Variants in CSMD3 observed in about 807,000 individuals in gnomAD.
CSMD3 encodes the protein CUB and sushi domain-containing protein 3.
In CSMD3, 177 loss-of-function variants were observed where a neutral mutation model predicts 435.2. The ratio of observed to expected loss-of-function variants is 0.41; its 90% confidence interval spans 0.36 to 0.46. The LOEUF (loss-of-function observed/expected upper bound fraction) is 0.46. Among genes scored for constraint, CSMD3 ranks in the 20% least tolerant of loss-of-function variants. The pLI is 0.34. For synonymous variants in CSMD3, 1,656 were observed against 1,520.5 expected, an observed-to-expected ratio of 1.09 and a Z score of -2.07; for missense variants, 4,265 against 4,504.6, an observed-to-expected ratio of 0.95 and a Z score of 1.52.
At chr8:112,674,304 G>C (rs770244211) in intron 16 of CSMD3, among the ~76,000 whole-genome samples, 5 of 152,104 alleles carry the variant, frequency 3.3e-5, no homozygotes, top group Non-Finnish European at 7.4e-5. Flanking sequence ...GGGATGAGGT[G>C]AAAGGTCATA....
At chr8:112,929,284 G>A (rs1195060009) in intron 9 of CSMD3, among the ~76,000 whole-genome samples, 6 of 148,988 alleles carry the variant, frequency 4.0e-5, no homozygotes, top group South Asian at 2.1e-4. Context: ...GCTAGATGAC[G>A]AGTTAGTGGG....
At chr8:112,720,095 G>T (rs2131963783) in intron 13 of CSMD3, among the ~76,000 whole-genome samples, 1 of 152,174 alleles carries the variant, frequency 6.6e-6, no homozygotes, top group African/African-American at 2.4e-5. Flanking sequence ...ACTGATTTTT[G>T]AATGGAAGTC....
At chr8:112,591,377 CA>C (rs1182417589) in intron 22 of CSMD3, among the ~76,000 whole-genome samples, 1 of 151,924 alleles carries the variant, frequency 6.6e-6, no homozygotes, top group Admixed American at 6.6e-5. Context: ...CAGGGATACC[CA>C]AAAACAGACA....
At chr8:112,928,997 G>C (rs2083006894) in intron 9 of CSMD3, among the ~76,000 whole-genome samples, 1 of 143,360 alleles carries the variant, frequency 7.0e-6, no homozygotes, top group Admixed American at 7.1e-5. Context: ...GTGTGAGATG[G>C]TATCTCATTG....
chr8:112,743,195 T>A (rs1260717915), intron 13 of CSMD3, among the ~76,000 whole-genome samples: 1 of 151,806 alleles, frequency 6.6e-6, no homozygotes, highest in Non-Finnish European at 1.5e-5. Flanking sequence ...GCAAACTAAA[T>A]CTTAAGAGAC....
chr8:112,611,866 T>C (rs1056747442), intron 22 of CSMD3, among the ~76,000 whole-genome samples: 3 of 152,162 alleles, frequency 2.0e-5, no homozygotes, highest in African/African-American at 7.2e-5. Flanking sequence ...GCATGTAAAA[T>C]ATAGCATTCT....
intron 9 of CSMD3, among the ~76,000 whole-genome samples, chr8:112,943,400 T>A (rs1389614124): frequency 6.6e-6 from 1 of 151,626 alleles, no homozygotes; most frequent in East Asian, 1.9e-4. Context: ...AACTTTCACT[T>A]GGATGGGGCA....
At chr8:113,239,219 G>A (rs909904538) in intron 3 of CSMD3, among the ~76,000 whole-genome samples, 1 of 152,030 alleles carries the variant, frequency 6.6e-6, no homozygotes, top group Non-Finnish European at 1.5e-5. Flanking sequence ...GCACCACCAG[G>A]TCTCCTGGGT....
intron 27 of CSMD3, among the ~76,000 whole-genome samples, chr8:112,523,194 G>A (rs921900478): frequency 2.0e-5 from 3 of 151,832 alleles, no homozygotes; most frequent in African/African-American, 7.2e-5. Flanking sequence ...TCAGAAGCAG[G>A]AGACTTAGAC....
intron 6 of CSMD3, among the ~76,000 whole-genome samples, chr8:112,976,908 T>C (rs2084869604): frequency 6.6e-6 from 1 of 152,054 alleles, no homozygotes; most frequent in Non-Finnish European, 1.5e-5. Context: ...ACGCTAGTTT[T>C]AACAATTGGT....
At chr8:112,979,375 A>G (rs113084031) in intron 6 of CSMD3, among the ~76,000 whole-genome samples, 9 of 151,792 alleles carry the variant, frequency 5.9e-5, no homozygotes, top group African/African-American at 1.7e-4. Flanking sequence ...TATTGCATTT[A>G]CCATTTTATT....
intron 51 of CSMD3, among the ~76,000 whole-genome samples, chr8:112,305,743 T>A (rs556390327): frequency 6.6e-6 from 1 of 152,256 alleles, no homozygotes; most frequent in East Asian, 1.9e-4. Context: ...AAAGGATGAC[T>A]TTTTACAAAA....
In CSMD3 at chr8:112,821,560, G is replaced by A. The variant is rs373633988; in HGVS notation, c.1859+8126C>T. Among the ~76,000 whole-genome samples, 107 of 151,924 alleles carry A rather than the reference G, an allele frequency of 7.0e-4. No individual in the cohort carries two copies. The South Asian group carries it at 0.019, about 27-fold the overall frequency. ...AGATTCTGAATATTAGATCTTTGTC[G>A]GATTGAAAGATTGTAAACTTTTTTC... On this transcript the variant is annotated intron_variant, in intron 12 of 70. Transcript: ENST00000297405.
At chr8:112,491,965 A>T (rs2130849128) in intron 31 of CSMD3, among the ~76,000 whole-genome samples, 1 of 152,296 alleles carries the variant, frequency 6.6e-6, no homozygotes, top group African/African-American at 2.4e-5. Flanking sequence ...AGAGAGAGTT[A>T]TATACAAGTA....
intron 44 of CSMD3, 43 bp from the exon 45 acceptor site, chr8:112,335,517 T>C (rs1324914175): frequency 9.5e-6 from 15 of 1,576,426 alleles, no homozygotes; most frequent in Middle Eastern, 1.7e-4. Context: ...TCAAGATTGA[T>C]TGTGGAAGTA....
chr8:113,264,044 ATAAT>A (rs1202715731), intron 3 of CSMD3, among the ~76,000 whole-genome samples: 1 of 151,410 alleles, frequency 6.6e-6, no homozygotes, highest in Non-Finnish European at 1.5e-5. Flanking sequence ...AGTAAAAAGA[ATAAT>A]TATCTTAATA....
chr8:113,046,929 T>C (rs1564250933), intron 5 of CSMD3, among the ~76,000 whole-genome samples: 1 of 152,214 alleles, frequency 6.6e-6, no homozygotes, highest in Non-Finnish European at 1.5e-5. Flanking sequence ...GAGCAGGCTG[T>C]GCCAGGAAGA....
chr8:112,369,123 C>T (rs1828070444), intron 38 of CSMD3, among the ~76,000 whole-genome samples: 1 of 152,080 alleles, frequency 6.6e-6, no homozygotes, highest in Non-Finnish European at 1.5e-5. Flanking sequence ...GGATCTACCA[C>T]ACTTTGAAAG....
At chr8:112,736,638 C>T (rs192706995) in intron 13 of CSMD3, among the ~76,000 whole-genome samples, 1 of 151,984 alleles carries the variant, frequency 6.6e-6, no homozygotes, top group South Asian at 2.1e-4. Context: ...CTTTGCTGTT[C>T]TATAGAGTTT....
Sources: allele counts gnomAD v4.1 joint callset (sites outside exome capture counted in the v4.1 genomes callset), GRCh38; gene constraint gnomAD v4.1.1; transcripts MANE v1.5; gene names NCBI Gene and HGNC (gene_info 2026-07-23, HGNC 2026-07-21).